The following ARIH1 variants were observed in gnomAD, a reference collection of about 807,000 sequenced individuals.
ARIH1 encodes E3 ubiquitin-protein ligase ARIH1.
ARIH1 carries 8 observed loss-of-function variants against 85.0 expected under a neutral mutation model. The observed-to-expected ratio is 0.09, with a 90% CI of 0.06 to 0.17. The LOEUF (loss-of-function observed/expected upper bound fraction) is 0.17. ARIH1 is among the 10% of genes least tolerant of loss of function. The pLI, the probability that ARIH1 is intolerant of heterozygous loss-of-function variation, is 1.00. For missense variants in ARIH1, 311 were observed against 718.1 expected (o/e 0.43, Z 6.48); for synonymous variants, 238 against 253.6 (o/e 0.94, Z 0.59).
chr15:72,567,750 A>G lies in ARIH1; in HGVS notation c.1026+573A>G, dbSNP rs368821352. Reference sequence around the variant, plus strand: ...GTACCCAGCTAGTCTTTTAATACAAAGTCGTATTATCCATCCTTTATGTAA... The same window carrying G: ...GTACCCAGCTAGTCTTTTAATACAAGGTCGTATTATCCATCCTTTATGTAA... On this transcript the variant is annotated intron_variant, in intron 9 of 13. Coordinates refer to ENST00000379887, the MANE Select transcript of ARIH1 (RefSeq NM_005744.5). Among the ~76,000 whole-genome samples, 15 of 152,336 alleles carry G rather than the reference A, an allele frequency of 9.8e-5. No individual in the cohort carries two copies. In the East Asian group the frequency reaches 1.9e-3, roughly 20 times the overall value.
intron 3 of ARIH1, among the ~76,000 whole-genome samples, chr15:72,546,274 G>A (rs747367509): frequency 9.2e-5 from 14 of 152,002 alleles, no homozygotes; most frequent in Non-Finnish European, 1.8e-4. Context: ...TCTCTAATGG[G>A]GTCCATTTGT....
intron 2 of ARIH1, among the ~76,000 whole-genome samples, chr15:72,534,970 T>TTTTTTTTTTTTTTTTTTTTTG (rs1567349493): frequency 8.7e-6 from 1 of 114,522 alleles, no homozygotes; most frequent in African/African-American, 2.5e-5. Flanking sequence ...TTTTTTTTTT[T>TTTTTTTTTTTTTTTTTTTTTG]GAGACGGAGT....
chr15:72,482,765 C>T (rs2063821249), intron 1 of ARIH1, among the ~76,000 whole-genome samples: 1 of 151,532 alleles, frequency 6.6e-6, no homozygotes, highest in African/African-American at 2.4e-5. Flanking sequence ...TGCAGCTTAC[C>T]TGGGGGCCTC....
intron 9 of ARIH1, 52 bp from the exon 10 acceptor site, chr15:72,570,125 G>C: frequency 1.9e-6 from 3 of 1,588,258 alleles, no homozygotes; most frequent in African/African-American, 1.3e-5. Flanking sequence ...CTTAATGTTA[G>C]TAATGCAACC....
rs866599194 is a variant in ARIH1, at chr15:72,474,362, T to A, written c.-278T>A. On this transcript the variant is annotated 5_prime_UTR_variant, in exon 1 of 14. Transcript: ENST00000379887. ...ATAGCAGCGGCCGTGGAGGTGGCGT[T>A]GGGGACTGTTTTCTCTCGGAGGCCG... The A allele has an allele frequency of 1.6e-5, 7 of 440,308 alleles. No homozygotes were observed. In the Admixed American group the frequency reaches 2.9e-4, roughly 18 times the overall value. The allele number at this position is 440,308 out of a possible 1,614,324, so 27.3% of individuals were successfully genotyped here.
At position 72,474,739 on chromosome 15, in the gene ARIH1, G is replaced by A. The variant is rs2063786555; in HGVS notation, c.100G>A (p.Glu34Lys). 2 of 1,561,790 alleles carry A rather than the reference G, an allele frequency of 1.3e-6. No homozygotes were observed. The highest frequency in any genetic ancestry group is 8.7e-7 in the Non-Finnish European group (1 of 1,155,254). The change falls in exon 1 of 14, where the codon GAG becomes AAG. Residue 34 changes from glutamate (E) to lysine (K), a missense_variant. Glu to Lys is a moderately conservative substitution (Grantham distance 56, BLOSUM62 1). Coordinates refer to ENST00000379887, the MANE Select transcript of ARIH1 (RefSeq NM_005744.5). Reference sequence around the variant, plus strand: ...GGAGGAGGAGGACGAAGACGACGACGAGCCGGACGATGATACCCTGGATCT... The same window carrying A: ...GGAGGAGGAGGACGAAGACGACGACAAGCCGGACGATGATACCCTGGATCT... ...AEEEEDEDDD[E>K]PDDDTLDLGE... is the part of the protein sequence containing the mutation.
rs536363940 is a variant in ARIH1, at chr15:72,583,310, A to G, written c.*18A>G. 2.4e-5 allele frequency: 39 copies of G among 1,599,420 alleles called. No individual in the cohort carries two copies. The Admixed American group carries it at 4.3e-4, about 18-fold the overall frequency. ...AGGACTGAGAATGGCCCTGCATAAAATGAACTCTGAAAACTTTACCATCTA... is the reference window on the plus strand; with the variant it reads ...AGGACTGAGAATGGCCCTGCATAAAGTGAACTCTGAAAACTTTACCATCTA... On this transcript the variant is annotated 3_prime_UTR_variant, in exon 14 of 14. Transcript: ENST00000379887.
chr15:72,499,750 T>G (rs557711206), intron 1 of ARIH1, among the ~76,000 whole-genome samples: 1 of 152,324 alleles, frequency 6.6e-6, no homozygotes, highest in South Asian at 2.1e-4. Flanking sequence ...TCTGCTCTTG[T>G]AATCAGGATG....
chr15:72,545,750 G>A (rs916591177), intron 3 of ARIH1, among the ~76,000 whole-genome samples: 12 of 152,196 alleles, frequency 7.9e-5, no homozygotes, highest in African/African-American at 2.9e-4. Flanking sequence ...AATTGCTTGA[G>A]CCTGGAAGGC....
chr15:72,530,168 C>G (rs1040594465), intron 2 of ARIH1, among the ~76,000 whole-genome samples: 1 of 152,062 alleles, frequency 6.6e-6, no homozygotes, highest in Non-Finnish European at 1.5e-5. Flanking sequence ...GTTCCTTTCA[C>G]TAAATACACT....
rs1462137408 is a variant in ARIH1, at chr15:72,583,451, A to G, written c.*159A>G. ...TGTTAATGGAAAGTTTAAGTAAATTATATTGTAATAAAAAGGTAGATAAAC... is the reference window on the plus strand; with the variant it reads ...TGTTAATGGAAAGTTTAAGTAAATTGTATTGTAATAAAAAGGTAGATAAAC... On this transcript the variant is annotated 3_prime_UTR_variant, in exon 14 of 14. Transcript: ENST00000379887. The G allele has an allele frequency of 3.8e-6, 2 of 525,362 alleles. No individual in the cohort carries two copies. Among genetic ancestry groups the G allele is most frequent in the East Asian group, 5.7e-5 (2 of 35,200 alleles). The allele number at this position is 525,362 out of a possible 1,614,324, so 32.5% of individuals were successfully genotyped here.
chr15:72,538,538 G>A (rs978991723), intron 2 of ARIH1, among the ~76,000 whole-genome samples: 8 of 152,194 alleles, frequency 5.3e-5, no homozygotes, highest in East Asian at 1.9e-4. Flanking sequence ...TTAAATATTC[G>A]AATGGCAGTG....
intron 1 of ARIH1, among the ~76,000 whole-genome samples, chr15:72,493,525 G>A (rs147712628): frequency 3.0e-4 from 45 of 152,228 alleles, no homozygotes; most frequent in African/African-American, 1.1e-3. Flanking sequence ...TTGCAGTAAC[G>A]AATGAATAAT....
At chr15:72,489,850 C>T (rs548383468) in intron 1 of ARIH1, among the ~76,000 whole-genome samples, 1 of 152,134 alleles carries the variant, frequency 6.6e-6, no homozygotes, top group Non-Finnish European at 1.5e-5. Context: ...TATGTTGGCA[C>T]CTCTGTGGGT....
At position 72,594,896 on chromosome 15, in the gene ARIH1, CACCTT is replaced by C. The variant is rs1035435230; in HGVS notation, c.*11605_*11609del. 5 of 138,202 alleles carry C rather than the reference CACCTT, an allele frequency of 3.6e-5. No individual in the cohort carries two copies. The highest frequency in any genetic ancestry group is 1.1e-4 in the African/African-American group (4 of 34,826). 8.6% of individuals were successfully genotyped at this position (138,202 alleles called of 1,614,324 possible). ...ATGTTTAACGTGTGGTGAGAGCAGA[CACCTT>C]GCCTTGTTTTCTTAATCTTAGGGAT... On this transcript the variant is annotated 3_prime_UTR_variant, in exon 14 of 14. Transcript: ENST00000379887.
intron 11 of ARIH1, among the ~76,000 whole-genome samples, chr15:72,574,910 C>T (rs960513297): frequency 9.0e-5 from 12 of 133,318 alleles, no homozygotes; most frequent in South Asian, 6.1e-4. Flanking sequence ...CCGCCGCCCC[C>T]GCCCATCTCT....
At chr15:72,529,370 A>C (rs1054551671) in intron 2 of ARIH1, among the ~76,000 whole-genome samples, 1 of 152,164 alleles carries the variant, frequency 6.6e-6, no homozygotes, top group Non-Finnish European at 1.5e-5. Context: ...CAGCCTCCCT[A>C]GTGGGTAGGA....
intron 5 of ARIH1, among the ~76,000 whole-genome samples, chr15:72,556,262 A>G (rs1005362465): frequency 2.0e-5 from 3 of 152,256 alleles, no homozygotes; most frequent in African/African-American, 7.2e-5. Flanking sequence ...GCAGGAGCAG[A>G]TAGACATTGA....
intron 2 of ARIH1, among the ~76,000 whole-genome samples, chr15:72,529,802 A>G (rs550475276): frequency 1.9e-4 from 29 of 152,326 alleles, no homozygotes; most frequent in South Asian, 8.3e-4. Flanking sequence ...ATGTTGAACA[A>G]TTATGAGATT....
Sources: allele counts gnomAD v4.1 joint callset (sites outside exome capture counted in the v4.1 genomes callset), GRCh38; gene constraint gnomAD v4.1.1; transcripts MANE v1.5; gene names NCBI Gene and HGNC (gene_info 2026-07-23, HGNC 2026-07-21).